ATP10B: variants seen among roughly 807,000 people sequenced by gnomAD.
ATP10B encodes the protein ATPase phospholipid transporting 10B (putative), also known as phospholipid-transporting ATPase VB.
ATP10B carries 122 observed loss-of-function variants against 141.2 expected under a neutral mutation model. The observed-to-expected ratio is 0.86, with a 90% CI of 0.75 to 1.00. ATP10B has a LOEUF of 1.00. Among genes scored for constraint, ATP10B ranks in the 50% least tolerant of loss-of-function variants. The pLI is 0.00. For synonymous variants in ATP10B, 685 were observed against 692.0 expected (o/e 0.99, Z 0.16); for missense variants, 1,876 against 1,825.3 (o/e 1.03, Z -0.51).
chr5:160,863,230 G>A, the ATP10B span, among the ~76,000 whole-genome samples: 10 of 152,054 alleles, frequency 6.6e-5, no homozygotes, highest in African/African-American at 2.2e-4. Flanking sequence ...ATCAGCAGGT[G>A]CCTGGTAACA....
chr5:160,708,088 C>A (rs933570985), intron 3 of ATP10B, among the ~76,000 whole-genome samples: 1 of 152,082 alleles, frequency 6.6e-6, no homozygotes, highest in African/African-American at 2.4e-5. Flanking sequence ...CTGGGCATTG[C>A]TTTTTATATG....
intron 3 of ATP10B, among the ~76,000 whole-genome samples, chr5:160,701,585 G>A (rs1764676877): frequency 6.6e-6 from 1 of 152,128 alleles, no homozygotes; most frequent in Non-Finnish European, 1.5e-5. Flanking sequence ...AGAGCTGCCT[G>A]AGAGCAGTCA....
the ATP10B span, among the ~76,000 whole-genome samples, chr5:160,912,440 A>G: frequency 3.7e-3 from 504 of 134,712 alleles, 5 homozygotes; most frequent in African/African-American, 0.013. Context: ...AAAAAAAAAA[A>G]AGAGAAAACT....
the ATP10B span, among the ~76,000 whole-genome samples, chr5:160,860,394 AATGAG>A: frequency 1.3e-5 from 2 of 151,898 alleles, no homozygotes; most frequent in African/African-American, 4.8e-5. Context: ...TCACTAACTA[AATGAG>A]ATAAGTTTAA....
chr5:160,872,672 A>T, the ATP10B span, among the ~76,000 whole-genome samples: 1 of 152,202 alleles, frequency 6.6e-6, no homozygotes, highest in East Asian at 1.9e-4. Context: ...TTTGTCGAAG[A>T]TCAGTTGGCT....
the ATP10B span, among the ~76,000 whole-genome samples, chr5:160,884,664 T>A: frequency 1.3e-5 from 2 of 152,138 alleles, no homozygotes; most frequent in Non-Finnish European, 2.9e-5. Context: ...TACTTTTTCA[T>A]TATGGCAATT....
intron 2 of ATP10B, among the ~76,000 whole-genome samples, chr5:160,771,977 G>A (rs1019204934): frequency 6.6e-6 from 1 of 152,260 alleles, no homozygotes; most frequent in East Asian, 1.9e-4. Flanking sequence ...GACTAATCGG[G>A]GAAGCCCCTC....
intron 6 of ATP10B, among the ~76,000 whole-genome samples, chr5:160,673,336 C>A (rs1449907309): frequency 1.3e-5 from 2 of 152,162 alleles, no homozygotes; most frequent in Non-Finnish European, 2.9e-5. Context: ...ACATGGGATG[C>A]TTTCGTACAG....
chr5:160,579,628 TA>T (rs1458210649), intron 24 of ATP10B, among the ~76,000 whole-genome samples: 1 of 152,204 alleles, frequency 6.6e-6, no homozygotes, highest in African/African-American at 2.4e-5. Context: ...GTTTTTTGCT[TA>T]GCATTGTCTT....
intron 1 of ATP10B, among the ~76,000 whole-genome samples, chr5:160,787,700 G>A (rs1771273468): frequency 6.6e-6 from 1 of 152,102 alleles, no homozygotes; most frequent in South Asian, 2.1e-4. Context: ...GCTGTATGGT[G>A]GAATCAGCTA....
chr5:160,567,722 C>T (rs6877430), intron 25 of ATP10B, among the ~76,000 whole-genome samples: 2 of 151,658 alleles, frequency 1.3e-5, no homozygotes, highest in African/African-American at 4.9e-5. Flanking sequence ...AGGAGTTGGC[C>T]CAAGCAGAGC....
intron 8 of ATP10B, among the ~76,000 whole-genome samples, chr5:160,648,158 GCTTT>G (rs1233772763): frequency 6.6e-6 from 1 of 152,116 alleles, no homozygotes; most frequent in African/African-American, 2.4e-5. Flanking sequence ...CACGATATTC[GCTTT>G]CTGGGGTTGT....
intron 7 of ATP10B, among the ~76,000 whole-genome samples, chr5:160,655,039 A>G (rs1220660817): frequency 6.6e-6 from 1 of 152,138 alleles, no homozygotes; most frequent in African/African-American, 2.4e-5. Context: ...AGTATTTATA[A>G]GCTCTCCTCT....
At chr5:160,755,688 G>T (rs865892343) in intron 2 of ATP10B, among the ~76,000 whole-genome samples, 1 of 147,886 alleles carries the variant, frequency 6.8e-6, no homozygotes, top group South Asian at 2.1e-4. Context: ...AGTGGCGGGC[G>T]CCTGTAGTCC....
chr5:160,744,293 T>C (rs971296161), intron 2 of ATP10B, among the ~76,000 whole-genome samples: 1 of 152,118 alleles, frequency 6.6e-6, no homozygotes, highest in African/African-American at 2.4e-5. Flanking sequence ...GTCCCTTGCA[T>C]CTCCATACTT....
intron 22 of ATP10B, among the ~76,000 whole-genome samples, chr5:160,592,888 G>C (rs373956422): frequency 1.3e-5 from 2 of 152,344 alleles, no homozygotes; most frequent in Middle Eastern, 3.4e-3. Context: ...GCCCATGCTT[G>C]CTTAGGTAAA....
At position 160,566,656 on chromosome 5, in the gene ATP10B, C is replaced by G. The variant is rs138144485; in HGVS notation, c.3939-756G>C. Among the ~76,000 whole-genome samples, 1,012 of 152,248 alleles carry G rather than the reference C, an allele frequency of 6.6e-3. 16 individuals carry two copies. The highest frequency in any genetic ancestry group is 9.8e-3 in the South Asian group (47 of 4,810). On this transcript the variant is annotated intron_variant, in intron 25 of 25. Transcript: ENST00000327245. ...GGAAGTCTTTATCTGTGTCTAGAAT[C>G]TTCTCTCTGTTCAAAGTGTAGGCAA... is the stretch of plus-strand genomic sequence containing the variant.
At position 160,620,565 on chromosome 5, in the gene ATP10B, G is replaced by C; in HGVS notation, c.2198C>G (p.Ala733Gly). 1 of 1,613,984 alleles carries C rather than the reference G, an allele frequency of 6.2e-7. No homozygotes were observed. Among genetic ancestry groups the C allele is most frequent in the Non-Finnish European group, 8.5e-7 (1 of 1,179,856 alleles). Residue 733 changes from alanine (A) to glycine (G), a missense_variant, in exon 15 of 26, where the codon GCC becomes GGC. Transcript: ENST00000327245. ...CCGGGACACTAGTGTGAAGCTGTAGGCATGGGCAGCGTGCACCAGGGCGGC... is the reference window on the plus strand; with the variant it reads ...CCGGGACACTAGTGTGAAGCTGTAGCCATGGGCAGCGTGCACCAGGGCGGC... Reference protein sequence around the residue: ...DEAALVHAAHAYSFTLVSRTP... With the variant: ...DEAALVHAAHGYSFTLVSRTP...
At chr5:160,621,093 TG>T in intron 14 of ATP10B, 143 bp from the exon 15 acceptor site, 1 of 1,024,838 alleles carries the variant, frequency 9.8e-7, no homozygotes, top group Non-Finnish European at 1.4e-6. Context: ...GCATTGACAA[TG>T]GTCATTTTCC....
Sources: allele counts gnomAD v4.1 joint callset (sites outside exome capture counted in the v4.1 genomes callset), GRCh38; gene constraint gnomAD v4.1.1; transcripts MANE v1.5; gene names NCBI Gene and HGNC (gene_info 2026-07-23, HGNC 2026-07-21).